The following RPS6KA2 variants were observed in gnomAD, a reference collection of about 807,000 sequenced individuals.
RPS6KA2 encodes the protein ribosomal protein S6 kinase A2, also known as ribosomal protein S6 kinase alpha-2.
Under a neutral mutation model 91.8 loss-of-function variants are expected in RPS6KA2, and 42 were observed. The observed-to-expected ratio is 0.46, with a 90% confidence interval of 0.36 to 0.59. The LOEUF (loss-of-function observed/expected upper bound fraction) is 0.59. Among genes scored for constraint, RPS6KA2 ranks in the 20% least tolerant of loss-of-function variants. RPS6KA2 has a pLI of 0.00. For synonymous variants in RPS6KA2, 414 were observed against 393.6 expected (o/e 1.05, Z -0.61); for missense variants, 798 against 978.5 (o/e 0.82, Z 2.46).
At chr6:166,716,057 AAAAAGAAG>A (rs1790003824) in intron 2 of RPS6KA2, among the ~76,000 whole-genome samples, 1 of 73,900 alleles carries the variant, frequency 1.4e-5, no homozygotes, top group East Asian at 4.8e-4. Flanking sequence ...AAAAAAAAAA[AAAAAGAAG>A]GAAAGAAAGA....
At chr6:166,552,268 G>T (rs7775422) in intron 1 of RPS6KA2, among the ~76,000 whole-genome samples, 1 of 152,150 alleles carries the variant, frequency 6.6e-6, no homozygotes. Flanking sequence ...CTCGCAAAGC[G>T]TCTGGCACCA....
intron 2 of RPS6KA2, among the ~76,000 whole-genome samples, chr6:166,722,398 G>A (rs1484150794): frequency 5.9e-5 from 9 of 152,242 alleles, no homozygotes; most frequent in Admixed American, 2.6e-4. Flanking sequence ...GCCGCAGGGG[G>A]TGGGAGGCAC....
chr6:166,793,943 G>C (rs1278194899), intron 2 of RPS6KA2, among the ~76,000 whole-genome samples: 1 of 146,556 alleles, frequency 6.8e-6, no homozygotes, highest in Admixed American at 6.9e-5. Context: ...CATAGGCATG[G>C]GCAAGGACTT....
intron 14 of RPS6KA2, among the ~76,000 whole-genome samples, chr6:166,446,684 G>A (rs144220401): frequency 6.7e-4 from 102 of 152,284 alleles, no homozygotes; most frequent in Non-Finnish European, 1.4e-3. Context: ...ACACACCATC[G>A]CCTCGTCACT....
In RPS6KA2 at chr6:166,445,493, C is replaced by T. The variant is rs907969463; in HGVS notation, c.1332+3231G>A. Among the ~76,000 whole-genome samples, 1 of 152,166 alleles carries T rather than the reference C, an allele frequency of 6.6e-6. No homozygotes were observed. The highest frequency in any genetic ancestry group is 1.5e-5 in the Non-Finnish European group (1 of 68,030). On this transcript the variant is annotated intron_variant, in intron 14 of 20. Transcript: ENST00000265678. This position sits in a 1 kb window ranked among gnomAD's most constrained non-coding sequence, Gnocchi z 4.5. The stretch of plus-strand genomic sequence containing the variant: ...ACAGGATGCTAACCAGCTTCCCTGA[C>T]CCGTATTCACCAATGCCAGGAGCCC...
At chr6:166,481,337 T>A (rs758560666) in intron 10 of RPS6KA2, among the ~76,000 whole-genome samples, 1 of 152,254 alleles carries the variant, frequency 6.6e-6, no homozygotes, top group Non-Finnish European at 1.5e-5. Context: ...AAATAAGCCA[T>A]GAAGGCTCAG....
intron 10 of RPS6KA2, 40 bp from the exon 11 acceptor site, chr6:166,469,945 G>C: frequency 6.4e-7 from 1 of 1,560,684 alleles, no homozygotes; most frequent in Non-Finnish European, 8.8e-7. Context: ...ACAAATCCAA[G>C]ATGGGGTTCT....
chr6:166,746,570 A>G (rs1791020061), intron 2 of RPS6KA2, among the ~76,000 whole-genome samples: 1 of 152,208 alleles, frequency 6.6e-6, no homozygotes, highest in African/African-American at 2.4e-5. Flanking sequence ...CGACCTGGAG[A>G]TAGCCTCAGA....
intron 2 of RPS6KA2, among the ~76,000 whole-genome samples, chr6:166,802,940 GTGTGTA>G (rs199976703): frequency 0.012 from 1,705 of 147,704 alleles, 28 homozygotes; most frequent in African/African-American, 0.035. Context: ...ATATGTGTGT[GTGTGTA>G]TATATATATA....
intron 2 of RPS6KA2, among the ~76,000 whole-genome samples, chr6:166,792,558 G>T (rs1170371424): frequency 1.3e-5 from 2 of 151,902 alleles, no homozygotes; most frequent in South Asian, 4.2e-4. Flanking sequence ...CAAAAAAAGA[G>T]AATTTTAGAC....
At position 166,647,887 on chromosome 6, in the gene RPS6KA2, T is replaced by A. The variant is rs112380796; in HGVS notation, c.124-109103A>T. ...ACACACATGCACATGCTGACACACA[T>A]ACATACACACATGCTCACACACATG... On this transcript the variant is annotated intron_variant, in intron 2 of 21. Coordinates refer to the RPS6KA2 transcript ENST00000503859. Among the ~76,000 whole-genome samples, 7 of 109,266 alleles carry A rather than the reference T, an allele frequency of 6.4e-5. No homozygotes were observed. The Admixed American group carries it at 6.5e-4, about 10-fold the overall frequency. The allele number at this position is 109,266 out of a possible 152,430, so 71.7% of individuals were successfully genotyped here.
At chr6:166,617,280 G>T (rs528097166) in intron 1 of RPS6KA2, among the ~76,000 whole-genome samples, 48 of 152,234 alleles carry the variant, frequency 3.2e-4, no homozygotes, top group African/African-American at 1.2e-3. Context: ...AAAATTACCA[G>T]CATTAATACA....
At chr6:166,754,274 G>A (rs75243046) in intron 2 of RPS6KA2, among the ~76,000 whole-genome samples, 3,086 of 152,338 alleles carry the variant, frequency 0.02, 113 homozygotes, top group African/African-American at 0.07. Flanking sequence ...AACAGGTCAG[G>A]AGACAACTGT....
chr6:166,662,445 C>G lies in RPS6KA2; in HGVS notation c.124-123661G>C, dbSNP rs577743702. On this transcript the variant is annotated intron_variant, in intron 2 of 21. Coordinates refer to the RPS6KA2 transcript ENST00000503859. The surrounding 1 kb of genome is among the most constrained non-coding windows in gnomAD (Gnocchi z 4.3). ...TTTAGATATCTGCTTTCTTTGGGGA[C>G]GTAAGAACAGCTCTGCTTGCAAATC... Among the ~76,000 whole-genome samples the G allele has an allele frequency of 7.9e-5, 12 of 152,216 alleles. No individual in the cohort carries two copies. The South Asian group carries it at 2.3e-3, about 29-fold the overall frequency.
intron 12 of RPS6KA2, among the ~76,000 whole-genome samples, chr6:166,455,687 GC>G (rs1780080402): frequency 6.6e-6 from 1 of 152,216 alleles, no homozygotes; most frequent in Non-Finnish European, 1.5e-5. Context: ...TTTCTGAGCG[GC>G]TCTGCTTCGC....
intron 1 of RPS6KA2, among the ~76,000 whole-genome samples, chr6:166,550,302 T>C (rs941543150): frequency 6.6e-6 from 1 of 151,968 alleles, no homozygotes; most frequent in Non-Finnish European, 1.5e-5. Context: ...TGAACTATAA[T>C]GGAAAGTTCA....
At chr6:166,532,459 G>A (rs1235703645) in intron 2 of RPS6KA2, among the ~76,000 whole-genome samples, 1 of 152,214 alleles carries the variant, frequency 6.6e-6, no homozygotes, top group Non-Finnish European at 1.5e-5. Context: ...GAAGACGCAA[G>A]GTCCCAGCAC....
intron 2 of RPS6KA2, among the ~76,000 whole-genome samples, chr6:166,537,850 A>G (rs1347268472): frequency 2.0e-5 from 3 of 152,232 alleles, no homozygotes; most frequent in African/African-American, 7.2e-5. Flanking sequence ...AAGTTGTCAG[A>G]GCCTATATAT....
At chr6:166,561,338 A>G (rs1784336525) in intron 1 of RPS6KA2, among the ~76,000 whole-genome samples, 1 of 151,880 alleles carries the variant, frequency 6.6e-6, no homozygotes, top group South Asian at 2.1e-4. Context: ...GATACCCTGA[A>G]CACTTGGTCT....
Sources: gnomAD v4.1 joint callset for allele counts (sites outside exome capture counted in the v4.1 genomes callset) on GRCh38, gnomAD v4.1.1 for gene constraint, Gnocchi (gnomAD v3.1) non-coding constraint, MANE v1.5 for transcripts, NCBI Gene and HGNC (gene_info 2026-07-23, HGNC 2026-07-21) for gene names.